The following PIR variants were observed in gnomAD, a reference collection of about 807,000 sequenced individuals.
The protein encoded by PIR is pirin (iron-binding nuclear protein).
In PIR, 22 loss-of-function variants were observed where a neutral mutation model predicts 24.2. The ratio of observed to expected loss-of-function variants is 0.91; its 90% CI spans 0.65 to 1.30. PIR has a LOEUF of 1.30. Among genes scored for constraint, PIR ranks in the 50% most tolerant of loss-of-function variants. The probability of loss-of-function intolerance (pLI) is 0.00; values close to 1 mark genes in which losing one functional copy is unlikely to be tolerated. For missense variants in PIR, 220 were observed against 220.3 expected (o/e 1.00, Z 0.01); for synonymous variants, 80 against 79.6 (o/e 1.00, Z -0.03).
chrX:15,420,198 AAAC>A (rs1007533528), intron 6 of PIR, among the ~76,000 whole-genome samples: 2 of 111,866 alleles, frequency 1.8e-5, no homozygotes, highest in Non-Finnish European at 3.8e-5. Context: ...CTTCATCTCA[AAAC>A]AACAACAACG....
chrX:15,457,588 G>A (rs1286957415), intron 4 of PIR, among the ~76,000 whole-genome samples: 1 of 112,010 alleles, frequency 8.9e-6, no homozygotes, highest in Non-Finnish European at 1.9e-5. Context: ...ATCCAAACAA[G>A]GAGTAAGAAT....
intron 5 of PIR, among the ~76,000 whole-genome samples, chrX:15,436,929 G>A (rs1457175951): frequency 8.9e-6 from 1 of 112,163 alleles, no homozygotes; most frequent in Non-Finnish European, 1.9e-5. Context: ...GACACAGACA[G>A]GCAGGGGTGT....
chrX:15,403,942 C>T (rs1251257875), intron 7 of PIR, among the ~76,000 whole-genome samples: 1 of 110,522 alleles, frequency 9.0e-6, no homozygotes, highest in Non-Finnish European at 1.9e-5. Context: ...CTTACCTTTA[C>T]CTTTAAAATG....
intron 5 of PIR, among the ~76,000 whole-genome samples, chrX:15,432,259 T>C (rs1044960491): frequency 3.6e-5 from 4 of 112,085 alleles, no homozygotes; most frequent in African/African-American, 1.3e-4. Flanking sequence ...GTGCTAGTCA[T>C]TGGATATATA....
At chrX:15,401,098 T>A (rs1415633247) in intron 7 of PIR, among the ~76,000 whole-genome samples, 1 of 109,868 alleles carries the variant, frequency 9.1e-6, no homozygotes, top group Non-Finnish European at 1.9e-5. Flanking sequence ...TGTTGCCAAG[T>A]GTGAAGTGCA....
chrX:15,483,103 CTTTAT>C (rs996731121), intron 2 of PIR, among the ~76,000 whole-genome samples: 2 of 104,258 alleles, frequency 1.9e-5, no homozygotes, highest in African/African-American at 3.5e-5. Flanking sequence ...CCGGTTTTAT[CTTTAT>C]TTTAACTTTC....
chrX:15,440,257 C>G (rs937695949), intron 5 of PIR, among the ~76,000 whole-genome samples: 2 of 111,749 alleles, frequency 1.8e-5, no homozygotes, highest in African/African-American at 6.5e-5. Context: ...AAACTGCTTT[C>G]TTTTCTGATT....
intron 2 of PIR, among the ~76,000 whole-genome samples, 169 bp downstream of exon 2, chrX:15,490,993 C>T (rs1923125971): frequency 8.9e-6 from 1 of 111,851 alleles, no homozygotes; most frequent in Admixed American, 9.5e-5. Flanking sequence ...ACAGAAACCC[C>T]CTTTGGGCTG....
At chrX:15,423,661 A>G (rs1399172488) in intron 6 of PIR, among the ~76,000 whole-genome samples, 1 of 111,387 alleles carries the variant, frequency 9.0e-6, no homozygotes, top group African/African-American at 3.3e-5. Context: ...GGGAGAAAAT[A>G]TCTGCAAACT....
chrX:15,442,269 T>C (rs767452988), intron 5 of PIR, among the ~76,000 whole-genome samples: 4 of 111,170 alleles, frequency 3.6e-5, no homozygotes, highest in East Asian at 2.8e-4. Context: ...TGAAATTGTT[T>C]TGATGCACCA....
At chrX:15,428,572 A>C (rs982659957) in intron 5 of PIR, among the ~76,000 whole-genome samples, 1 of 112,197 alleles carries the variant, frequency 8.9e-6, no homozygotes, top group African/African-American at 3.2e-5. Flanking sequence ...TGGCCATAAA[A>C]ATAATCTTGA....
intron 6 of PIR, 83 bp from the exon 7 acceptor site, chrX:15,407,633 A>G (rs41311829): frequency 7.1e-6 from 5 of 705,257 alleles, no homozygotes; most frequent in East Asian, 3.2e-5. Context: ...AAACACAAAG[A>G]TAAATTTGGA....
intron 7 of PIR, 65 bp downstream of exon 7, chrX:15,407,441 T>A: frequency 2.4e-6 from 2 of 844,992 alleles, no homozygotes; most frequent in Non-Finnish European, 3.6e-6. Flanking sequence ...TCATCCTACC[T>A]TTTCTCCCTT....
At chrX:15,464,021 C>T (rs1036093355) in intron 3 of PIR, among the ~76,000 whole-genome samples, 2 of 112,249 alleles carry the variant, frequency 1.8e-5, no homozygotes, top group East Asian at 2.8e-4. Flanking sequence ...TAATAAGTAA[C>T]GCAACTAAAT....
At chrX:15,404,131 C>T (rs2147011171) in intron 7 of PIR, among the ~76,000 whole-genome samples, 1 of 110,599 alleles carries the variant, frequency 9.0e-6, no homozygotes, top group South Asian at 3.9e-4. Context: ...TCCCGTGTAG[C>T]TGGAATTACA....
chrX:15,466,333 G>T (rs1400499142), intron 3 of PIR, among the ~76,000 whole-genome samples: 1 of 111,565 alleles, frequency 9.0e-6, no homozygotes, highest in African/African-American at 3.3e-5. Flanking sequence ...AACCAACACG[G>T]TTCAGGTATT....
rs73449364 is a variant in PIR, at chrX:15,415,515, C to T, written c.566-7965G>A. The stretch of plus-strand genomic sequence containing the variant: ...TGAAAACCAATTTCATCAAAGGATA[C>T]AAAATTTCAGTTAAATAGTAGAAAT... On this transcript the variant is annotated intron_variant, in intron 6 of 9. Coordinates refer to ENST00000380420, the MANE Select transcript of PIR (RefSeq NM_001018109.3). Among the ~76,000 whole-genome samples, 10 of 111,298 alleles carry T rather than the reference C, an allele frequency of 9.0e-5. No individual in the cohort carries two copies. In the South Asian group the frequency reaches 1.9e-3, roughly 21 times the overall value.
intron 7 of PIR, among the ~76,000 whole-genome samples, chrX:15,401,101 G>A (rs1353668733): frequency 1.8e-5 from 2 of 109,216 alleles, no homozygotes; most frequent in Non-Finnish European, 3.8e-5. Flanking sequence ...TGCCAAGTGT[G>A]AAGTGCAGTG....
intron 5 of PIR, among the ~76,000 whole-genome samples, chrX:15,444,136 T>A (rs763919559): frequency 2.7e-3 from 298 of 111,858 alleles, no homozygotes; most frequent in African/African-American, 9.2e-3. Context: ...GAGAAATATT[T>A]CGTGAAAGGA....
Sources: gnomAD v4.1 joint callset for allele counts (sites outside exome capture counted in the v4.1 genomes callset) on GRCh38, gnomAD v4.1.1 for gene constraint, MANE v1.5 for transcripts, NCBI Gene and HGNC (gene_info 2026-07-23, HGNC 2026-07-21) for gene names.